The following PCDH9 variants were observed in gnomAD, a reference collection of about 807,000 sequenced individuals.
PCDH9 encodes the protein protocadherin-9.
A neutral mutation model predicts 70.6 loss-of-function variants in PCDH9; 24 were observed. That is an observed-to-expected ratio of 0.34 (90% CI 0.25 to 0.48). The LOEUF is 0.48. Among genes scored for constraint, PCDH9 ranks in the 20% least tolerant of loss-of-function variants. The probability of loss-of-function intolerance (pLI) is 0.99; values close to 1 mark genes in which losing one functional copy is unlikely to be tolerated. For synonymous variants in PCDH9, 562 were observed against 558.5 expected (o/e 1.01, Z -0.09); for missense variants, 1,281 against 1,503.6 (o/e 0.85, Z 2.45).
At chr13:66,935,425 C>T (rs931977545) in intron 2 of PCDH9, among the ~76,000 whole-genome samples, 1 of 152,090 alleles carries the variant, frequency 6.6e-6, no homozygotes, top group African/African-American at 2.4e-5. Flanking sequence ...CTGAGTTTAA[C>T]GCAAGGGTCT....
intron 3 of PCDH9, among the ~76,000 whole-genome samples, chr13:66,870,493 C>T (rs140368235): frequency 0.02 from 3,087 of 152,128 alleles, 50 homozygotes; most frequent in Non-Finnish European, 0.036. Flanking sequence ...ACTCTTCTGA[C>T]AAAGGGCTAA....
intron 2 of PCDH9, chr13:67,218,812 A>G (rs2089663341): frequency 6.6e-6 from 1 of 152,010 alleles, no homozygotes; most frequent in Admixed American, 6.6e-5. Context: ...AATCAATCAA[A>G]TATTCCTCAA....
intron 3 of PCDH9, among the ~76,000 whole-genome samples, chr13:66,798,265 T>G (rs1382517309): frequency 6.6e-6 from 1 of 152,182 alleles, no homozygotes; most frequent in African/African-American, 2.4e-5. Flanking sequence ...CTAATAATTT[T>G]TGAACATTAA....
chr13:66,665,424 AT>A (rs1437506701), intron 3 of PCDH9, among the ~76,000 whole-genome samples: 15 of 152,184 alleles, frequency 9.9e-5, no homozygotes, highest in Admixed American at 9.8e-4. Flanking sequence ...TTCTAATGAC[AT>A]TCCACATTTA....
intron 2 of PCDH9, among the ~76,000 whole-genome samples, chr13:67,071,888 CAAAAAAAA>C (rs5804309): frequency 1.2e-5 from 1 of 86,688 alleles, no homozygotes; most frequent in Non-Finnish European, 2.3e-5. Context: ...GACTTTGTCT[CAAAAAAAA>C]AAAAAAAAAA....
At chr13:66,566,497 G>A (rs2076654549) in intron 4 of PCDH9, among the ~76,000 whole-genome samples, 1 of 152,122 alleles carries the variant, frequency 6.6e-6, no homozygotes, top group Non-Finnish European at 1.5e-5. Context: ...GGTCTGAATA[G>A]ATCACTTCTC....
intron 4 of PCDH9, among the ~76,000 whole-genome samples, chr13:66,523,606 G>A (rs1004429297): frequency 6.6e-6 from 1 of 151,816 alleles, no homozygotes; most frequent in Non-Finnish European, 1.5e-5. Flanking sequence ...ATACTACTAT[G>A]TGCACAGTGA....
intron 2 of PCDH9, among the ~76,000 whole-genome samples, chr13:67,083,038 A>G (rs955731387): frequency 6.6e-6 from 1 of 152,176 alleles, no homozygotes. Context: ...CTAAAATAAA[A>G]TTAATGGAAA....
At chr13:66,562,778 G>A (rs763218266) in intron 4 of PCDH9, among the ~76,000 whole-genome samples, 58 of 152,094 alleles carry the variant, frequency 3.8e-4, no homozygotes, top group Admixed American at 1.3e-4. Flanking sequence ...TCTGCCTTGA[G>A]TAAGTGGATG....
intron 2 of PCDH9, among the ~76,000 whole-genome samples, chr13:66,909,829 T>G (rs1451405178): frequency 1.3e-5 from 2 of 152,170 alleles, no homozygotes; most frequent in African/African-American, 4.8e-5. Flanking sequence ...AAACTTGAAT[T>G]TATCCATTGC....
chr13:66,945,957 T>G (rs1224529668), intron 2 of PCDH9, among the ~76,000 whole-genome samples: 1 of 152,158 alleles, frequency 6.6e-6, no homozygotes, highest in Non-Finnish European at 1.5e-5. Context: ...ACATTTCTAC[T>G]GATAATATAT....
intron 2 of PCDH9, among the ~76,000 whole-genome samples, chr13:66,965,857 T>G (rs1335220542): frequency 6.6e-6 from 1 of 151,940 alleles, no homozygotes; most frequent in Non-Finnish European, 1.5e-5. Context: ...GTGATGTAAA[T>G]TCTTATCTAA....
intron 4 of PCDH9, among the ~76,000 whole-genome samples, chr13:66,366,110 G>T (rs976988566): frequency 5.3e-5 from 8 of 151,896 alleles, no homozygotes; most frequent in African/African-American, 1.9e-4. Flanking sequence ...TCAAAATGAG[G>T]GGATAAAACA....
intron 3 of PCDH9, among the ~76,000 whole-genome samples, chr13:66,641,738 G>A (rs561387999): frequency 6.6e-6 from 1 of 152,206 alleles, no homozygotes; most frequent in East Asian, 1.9e-4. Context: ...TGGACAGAGA[G>A]ATATAGGTAG....
intron 4 of PCDH9, among the ~76,000 whole-genome samples, chr13:66,616,877 C>G (rs2077362798): frequency 6.6e-6 from 1 of 152,134 alleles, no homozygotes; most frequent in African/African-American, 2.4e-5. Context: ...GTACAATCCC[C>G]CAAGACACAT....
At chr13:66,879,259 T>C (rs1290723700) in intron 3 of PCDH9, among the ~76,000 whole-genome samples, 7 of 152,170 alleles carry the variant, frequency 4.6e-5, no homozygotes, top group Non-Finnish European at 7.3e-5. Flanking sequence ...ACTTTCCAAA[T>C]ACTAGCGGAG....
intron 4 of PCDH9, among the ~76,000 whole-genome samples, chr13:66,458,260 A>G (rs1958357233): frequency 6.6e-6 from 1 of 152,028 alleles, no homozygotes; most frequent in South Asian, 2.1e-4. Context: ...GTCATTTTAG[A>G]TCATAATTTT....
intron 3 of PCDH9, among the ~76,000 whole-genome samples, chr13:66,696,506 T>TATGCC (rs1566511433): frequency 6.6e-6 from 1 of 152,178 alleles, no homozygotes; most frequent in Non-Finnish European, 1.5e-5. Context: ...GAAGCAGCAG[T>TATGCC]ATGCCTTGTT....
At chr13:67,124,857 T>C (rs1927812) in intron 2 of PCDH9, among the ~76,000 whole-genome samples, 140,042 of 152,158 alleles carry the variant, frequency 0.92, 64,562 homozygotes, top group East Asian at 0.98. Flanking sequence ...TGATTTTACA[T>C]CTCCCCCTAA....
Sources: allele counts gnomAD v4.1 joint callset (sites outside exome capture counted in the v4.1 genomes callset), GRCh38; gene constraint gnomAD v4.1.1; transcripts MANE v1.5; gene names NCBI Gene and HGNC (gene_info 2026-07-23, HGNC 2026-07-21).